COPB1: variants seen among roughly 807,000 people sequenced by gnomAD.
COPB1 encodes coat protein complex I subunit beta 1, also known as coatomer subunit beta.
COPB1 carries 21 observed loss-of-function variants against 108.7 expected under a neutral mutation model. That is an observed-to-expected ratio of 0.19 (90% confidence interval 0.14 to 0.28). COPB1 has a LOEUF of 0.28. COPB1 is among the 10% of genes least tolerant of loss of function. The pLI is 1.00. For synonymous variants in COPB1, 378 were observed against 386.8 expected, an observed-to-expected ratio of 0.98 and a Z score of 0.27; for missense variants, 919 against 1,141.3, an observed-to-expected ratio of 0.81 and a Z score of 2.81.
chr11:14,483,235 CACA>C, intron 7 of COPB1, 84 bp from the exon 8 acceptor site: 1 of 552,278 alleles, frequency 1.8e-6, no homozygotes, highest in Non-Finnish European at 2.9e-6. Flanking sequence ...ACACCACACA[CACA>C]CACACACACA....
At chr11:14,488,273 A>G (rs557875675) in intron 6 of COPB1, among the ~76,000 whole-genome samples, 2 of 152,348 alleles carry the variant, frequency 1.3e-5, no homozygotes, top group East Asian at 1.9e-4. Context: ...ATTTTTATCA[A>G]AATCTTTATG....
At chr11:14,490,765 T>G in intron 4 of COPB1, 86 bp from the exon 5 acceptor site, 1 of 713,280 alleles carries the variant, frequency 1.4e-6, no homozygotes, top group Non-Finnish European at 2.3e-6. Flanking sequence ...AAAATTAAAT[T>G]TAATCAAACT....
intron 11 of COPB1, among the ~76,000 whole-genome samples, chr11:14,478,388 A>C (rs979770256): frequency 6.6e-6 from 1 of 151,406 alleles, no homozygotes; most frequent in African/African-American, 2.4e-5. Flanking sequence ...CAGCCTGGGC[A>C]ACAAAGCAAG....
chr11:14,487,355 T>C (rs546877569), intron 6 of COPB1, among the ~76,000 whole-genome samples: 3 of 152,128 alleles, frequency 2.0e-5, no homozygotes, highest in African/African-American at 4.8e-5. Context: ...AGAACCTCAG[T>C]GGTATCCTAA....
intron 14 of COPB1, among the ~76,000 whole-genome samples, chr11:14,473,403 C>T (rs1024879848): frequency 6.6e-6 from 1 of 152,152 alleles, no homozygotes; most frequent in Non-Finnish European, 1.5e-5. Flanking sequence ...CAGCTTTTGA[C>T]ATGCATTCCT....
chr11:14,466,432 A>G lies in COPB1; in HGVS notation c.2146-6T>C, dbSNP rs61036528. ...AAACCTGTCAATTGGGTGACCTGTC[A>G]AAACAAAAACAAAGACATAATCAAA... is the stretch of plus-strand genomic sequence containing the variant. On this transcript the variant is annotated splice_region_variant and splice_polypyrimidine_tract_variant and intron_variant, in intron 16 of 21. Coordinates refer to ENST00000439561, the MANE Select transcript of COPB1 (RefSeq NM_001144061.2). 2 of 1,607,470 alleles carry G rather than the reference A, an allele frequency of 1.2e-6. No homozygotes were observed. Among genetic ancestry groups the G allele is most frequent in the East Asian group, 4.5e-5 (2 of 44,806 alleles).
intron 18 of COPB1, among the ~76,000 whole-genome samples, chr11:14,464,506 C>G (rs1050763541): frequency 2.0e-5 from 3 of 152,194 alleles, no homozygotes; most frequent in African/African-American, 7.2e-5. Flanking sequence ...ATCCCTAGGT[C>G]TGAGATACCC....
At chr11:14,478,107 T>A (rs1850569209) in intron 11 of COPB1, among the ~76,000 whole-genome samples, 1 of 152,028 alleles carries the variant, frequency 6.6e-6, no homozygotes, top group Admixed American at 6.6e-5. Context: ...AGGTTTCAGT[T>A]CTCTCCAGAA....
At chr11:14,475,120 G>GT (rs1850494242) in intron 13 of COPB1, among the ~76,000 whole-genome samples, 1 of 87,806 alleles carries the variant, frequency 1.1e-5, no homozygotes, top group East Asian at 3.4e-4. Flanking sequence ...AAAAAAAAAA[G>GT]AAAACTTATC....
At chr11:14,459,177 G>A (rs1465241740) in intron 20 of COPB1, among the ~76,000 whole-genome samples, 2 of 152,144 alleles carry the variant, frequency 1.3e-5, no homozygotes, top group Admixed American at 6.5e-5. Flanking sequence ...GAATTTTACT[G>A]TGTATTATAC....
intron 12 of COPB1, among the ~76,000 whole-genome samples, chr11:14,476,449 C>G (rs990120630): frequency 6.6e-6 from 1 of 152,146 alleles, no homozygotes; most frequent in Non-Finnish European, 1.5e-5. Context: ...CAGTCCATTA[C>G]CTAATATAAG....
At chr11:14,486,609 G>T in intron 6 of COPB1, 105 bp from the exon 7 acceptor site, 1 of 1,370,850 alleles carries the variant, frequency 7.3e-7, no homozygotes, top group Non-Finnish European at 1.0e-6. Context: ...TTCTCAATAT[G>T]AAAGCTAAGA....
intron 18 of COPB1, 106 bp from the exon 19 acceptor site, chr11:14,461,437 G>A: frequency 8.7e-6 from 10 of 1,150,568 alleles, no homozygotes; most frequent in South Asian, 1.5e-5. Context: ...CAATAAGATT[G>A]TTTATATAAT....
At chr11:14,493,576 G>T in intron 4 of COPB1, 66 bp downstream of exon 4, 1 of 1,364,344 alleles carries the variant, frequency 7.3e-7, no homozygotes, top group Non-Finnish European at 9.8e-7. Context: ...CAACCACTTT[G>T]GAACCACTAG....
intron 8 of COPB1, among the ~76,000 whole-genome samples, 197 bp from the exon 9 acceptor site, chr11:14,481,294 C>A (rs927876456): frequency 2.6e-5 from 4 of 152,184 alleles, no homozygotes; most frequent in African/African-American, 9.7e-5. Context: ...ATGACACATT[C>A]AAACTGATAA....
At chr11:14,491,951 G>A (rs955846058) in intron 4 of COPB1, among the ~76,000 whole-genome samples, 5 of 152,124 alleles carry the variant, frequency 3.3e-5, no homozygotes, top group African/African-American at 1.2e-4. Flanking sequence ...AGAAATATTA[G>A]TACAGAGAAG....
In COPB1 at chr11:14,459,948, T is replaced by A. The variant is rs1037575161; in HGVS notation, c.2646+260A>T. 3.9e-5 allele frequency: 11 copies of A among 285,058 alleles called. 1 individual carries two copies. Among genetic ancestry groups the A allele is most frequent in the Non-Finnish European group, 5.9e-5 (9 of 153,784 alleles). 17.7% of individuals were successfully genotyped at this position (285,058 alleles called of 1,614,324 possible). On this transcript the variant is annotated intron_variant, in intron 20 of 21. Coordinates refer to ENST00000439561, the MANE Select transcript of COPB1 (RefSeq NM_001144061.2). ...ACTTTAGAATGTGCCTCTAGCTGAA[T>A]GGGGGAGAAGATTGAAAAGAAAATA... is the stretch of plus-strand genomic sequence containing the variant.
chr11:14,480,487 A>G (rs1488533189), intron 10 of COPB1, among the ~76,000 whole-genome samples: 1 of 152,212 alleles, frequency 6.6e-6, no homozygotes, highest in East Asian at 1.9e-4. Flanking sequence ...TATACACAGC[A>G]TAATTTTACT....
intron 19 of COPB1, among the ~76,000 whole-genome samples, chr11:14,460,828 G>T (rs1589950642): frequency 6.6e-6 from 1 of 152,072 alleles, no homozygotes; most frequent in Admixed American, 6.6e-5. Context: ...TCTAATAAAA[G>T]TCAAGGCTCA....
Sources: gnomAD v4.1 joint callset for allele counts (sites outside exome capture counted in the v4.1 genomes callset) on GRCh38, gnomAD v4.1.1 for gene constraint, MANE v1.5 for transcripts, NCBI Gene and HGNC (gene_info 2026-07-23, HGNC 2026-07-21) for gene names.